HDAC9: variants seen among roughly 807,000 people sequenced by gnomAD.
HDAC9 encodes histone deacetylase 9.
Under a neutral mutation model 139.4 loss-of-function variants are expected in HDAC9, and 41 were observed. The observed-to-expected ratio is 0.29, with a 90% CI of 0.23 to 0.38. HDAC9 has a LOEUF of 0.38. Ranked by LOEUF, HDAC9 falls within the 10% of genes least tolerant of loss-of-function variation. The probability of loss-of-function intolerance (pLI) is 1.00; values close to 1 mark genes in which losing one functional copy is unlikely to be tolerated. For missense variants in HDAC9, 1,147 were observed against 1,297.0 expected, an observed-to-expected ratio of 0.88 and a Z score of 1.78; for synonymous variants, 517 against 476.2, an observed-to-expected ratio of 1.09 and a Z score of -1.12.
intron 12 of HDAC9, among the ~76,000 whole-genome samples, chr7:18,701,420 A>AAC (rs1562864707): frequency 7.2e-5 from 11 of 151,986 alleles, no homozygotes; most frequent in African/African-American, 2.7e-4. Flanking sequence ...AACAAACAAA[A>AAC]AAAAAAAACA....
chr7:18,474,497 T>A, intron 1 of HDAC9, among the ~76,000 whole-genome samples: 1 of 152,360 alleles, frequency 6.6e-6, no homozygotes, highest in South Asian at 2.1e-4. Context: ...TTTAATATAT[T>A]TCTTTATTTG....
intron 1 of HDAC9, among the ~76,000 whole-genome samples, chr7:18,088,344 G>A (rs116438973): frequency 0.014 from 2,186 of 152,266 alleles, 50 homozygotes; most frequent in African/African-American, 0.05. Flanking sequence ...TACTCTTGCT[G>A]TGCTGAGATT....
intron 1 of HDAC9, among the ~76,000 whole-genome samples, chr7:18,143,699 T>C (rs1584302947): frequency 6.6e-6 from 1 of 151,560 alleles, no homozygotes; most frequent in African/African-American, 2.4e-5. Flanking sequence ...GGCAGGAGAA[T>C]TGCTTGAACT....
rs915359347 is a variant in HDAC9, at chr7:18,959,554, A to G, written c.3022+5324A>G. ...TGCCTCTGATAAGTTGAAAAACACC[A>G]GTGTAGGAGATTTTAAAATGATACG... On this transcript the variant is annotated intron_variant, in intron 24 of 25. Transcript: ENST00000686413. 3.3e-5 allele frequency among the ~76,000 whole-genome samples: 5 copies of G among 152,192 alleles called. No individual in the cohort carries two copies. In the East Asian group the frequency reaches 9.6e-4, roughly 29 times the overall value.
chr7:18,445,191 CTACT>C (rs1278429915), intron 1 of HDAC9, among the ~76,000 whole-genome samples: 1 of 152,210 alleles, frequency 6.6e-6, no homozygotes, highest in Non-Finnish European at 1.5e-5. Flanking sequence ...AACAGATTAC[CTACT>C]TAATCAACTG....
intron 2 of HDAC9, among the ~76,000 whole-genome samples, chr7:18,260,029 A>G (rs1159849889): frequency 1.3e-5 from 2 of 152,180 alleles, no homozygotes; most frequent in East Asian, 3.9e-4. Context: ...AGATCTTTAT[A>G]TTTTTCTTTC....
intron 21 of HDAC9, among the ~76,000 whole-genome samples, chr7:18,849,857 C>G (rs528007613): frequency 2.0e-5 from 3 of 152,084 alleles, no homozygotes; most frequent in Admixed American, 1.3e-4. Flanking sequence ...GGACCCTATG[C>G]GTATCATGGT....
intron 1 of HDAC9, among the ~76,000 whole-genome samples, chr7:18,431,919 C>T (rs1177885633): frequency 1.3e-5 from 2 of 152,184 alleles, no homozygotes; most frequent in East Asian, 3.9e-4. Context: ...TCATTGCCTA[C>T]ATGAGAAAGT....
At chr7:18,824,085 A>AAGAAGAAGG (rs1795223116) in intron 17 of HDAC9, among the ~76,000 whole-genome samples, 1 of 148,018 alleles carries the variant, frequency 6.8e-6, no homozygotes, top group Non-Finnish European at 1.5e-5. Flanking sequence ...GAAGAAGAAG[A>AAGAAGAAGG]AGAACAAGAA....
At chr7:18,359,793 G>C (rs770318405) in intron 1 of HDAC9, among the ~76,000 whole-genome samples, 3 of 152,142 alleles carry the variant, frequency 2.0e-5, no homozygotes, top group African/African-American at 4.8e-5. Context: ...ATTTTTAGTA[G>C]AGACAGGGTT....
At chr7:18,597,467 G>A (rs1042526183) in intron 6 of HDAC9, among the ~76,000 whole-genome samples, 2 of 152,012 alleles carry the variant, frequency 1.3e-5, no homozygotes, top group Admixed American at 1.3e-4. Flanking sequence ...TGACTTTATT[G>A]TTTTTATATA....
At chr7:18,918,682 T>C (rs777632055) in intron 22 of HDAC9, among the ~76,000 whole-genome samples, 5 of 152,174 alleles carry the variant, frequency 3.3e-5, no homozygotes, top group Middle Eastern at 6.8e-3. Context: ...TTTGACCGCA[T>C]AGCTCTACAA....
At chr7:18,816,127 A>G (rs1269328935) in intron 17 of HDAC9, among the ~76,000 whole-genome samples, 1 of 152,244 alleles carries the variant, frequency 6.6e-6, no homozygotes. Context: ...TAGTTCAGAT[A>G]TGAAGAGATG....
intron 9 of HDAC9, 131 bp downstream of exon 9, chr7:18,644,924 T>A: frequency 1.2e-6 from 1 of 836,010 alleles, no homozygotes; most frequent in Non-Finnish European, 1.7e-6. Flanking sequence ...CACTGTTTGC[T>A]ATTTGCTGTG....
At chr7:18,692,812 T>C (rs1163843744) in intron 12 of HDAC9, among the ~76,000 whole-genome samples, 1 of 150,772 alleles carries the variant, frequency 6.6e-6, no homozygotes, top group East Asian at 1.9e-4. Context: ...AGTAAGTGCA[T>C]TTTTTGGGCA....
At chr7:18,384,801 G>A (rs555086082) in intron 1 of HDAC9, among the ~76,000 whole-genome samples, 1 of 152,058 alleles carries the variant, frequency 6.6e-6, no homozygotes. Context: ...TCAAGTCCAG[G>A]CCTGATCTTT....
chr7:18,414,000 A>G lies in HDAC9; in HGVS notation c.-41-82262A>G, dbSNP rs552771079. Among the ~76,000 whole-genome samples the G allele has an allele frequency of 5.9e-5, 9 of 152,284 alleles. No individual in the cohort carries two copies. In the South Asian group the frequency reaches 1.9e-3, roughly 32 times the overall value. On this transcript the variant is annotated intron_variant, in intron 1 of 3. Transcript: ENST00000413509. ...AACTCCCTTCAGACTCAGACCACAC[A>G]TGAGAAACTTCCCCTCAGAAGGAAA...
intron 1 of HDAC9, among the ~76,000 whole-genome samples, chr7:18,381,392 G>A (rs115645023): frequency 2.1e-4 from 32 of 152,024 alleles, no homozygotes; most frequent in Admixed American, 7.2e-4. Context: ...TATATTATCT[G>A]ACCACCAAGC....
Position 18,786,700 on chromosome 7 carries a change from C to T in HDAC9, c.2215-6645C>T, listed in dbSNP as rs185718402. 5.1e-3 allele frequency among the ~76,000 whole-genome samples: 662 copies of T among 129,910 alleles called. 4 individuals are homozygous for T. Among genetic ancestry groups the T allele is most frequent in the Non-Finnish European group, 7.6e-3 (476 of 62,998 alleles). 85.2% of individuals were successfully genotyped at this position (129,910 alleles called of 152,430 possible). A position where few individuals can be genotyped will look rare whatever the true frequency, so the allele number is the denominator to read the frequency against. ...TTCCTTTTTGCTCACATATCCCTTT[C>T]TGTGTCCTCGGTTTCTGTTGCATGC... On this transcript the variant is annotated intron_variant, in intron 16 of 25. Coordinates refer to ENST00000686413, the MANE Select transcript of HDAC9 (RefSeq NM_178425.4).
Sources: allele counts gnomAD v4.1 joint callset (sites outside exome capture counted in the v4.1 genomes callset), GRCh38; gene constraint gnomAD v4.1.1; transcripts MANE v1.5; gene names NCBI Gene and HGNC (gene_info 2026-07-23, HGNC 2026-07-21).